The following TMEM156 variants were observed in gnomAD, a reference collection of about 807,000 sequenced individuals.
The protein encoded by TMEM156 is transmembrane protein 156.
In TMEM156, 28 loss-of-function variants were observed where a neutral mutation model predicts 30.5. That is an observed-to-expected ratio of 0.92 (90% CI 0.68 to 1.26). TMEM156 has a LOEUF of 1.26. TMEM156 is among the 50% of genes most tolerant of loss of function. The pLI is 0.00. For missense variants in TMEM156, 351 were observed against 340.6 expected (o/e 1.03, Z -0.24); for synonymous variants, 137 against 119.9 (o/e 1.14, Z -0.93).
At chr4:39,016,075 C>T (rs1285372895) in intron 1 of TMEM156, among the ~76,000 whole-genome samples, 1 of 152,084 alleles carries the variant, frequency 6.6e-6, no homozygotes, top group African/African-American at 2.4e-5. Context: ...TACAAATAGT[C>T]CTTTAAAATA....
chr4:38,973,714 A>T (rs1722713847), intron 5 of TMEM156, among the ~76,000 whole-genome samples: 1 of 152,196 alleles, frequency 6.6e-6, no homozygotes, highest in Non-Finnish European at 1.5e-5. Context: ...GTTGACTAGT[A>T]CTTCCAATAC....
intron 3 of TMEM156, among the ~76,000 whole-genome samples, chr4:38,990,127 C>T (rs1247944801): frequency 6.6e-6 from 1 of 152,198 alleles, no homozygotes; most frequent in Non-Finnish European, 1.5e-5. Flanking sequence ...ACCCTGTGTA[C>T]ACTCTTCTTT....
chr4:39,021,947 G>A (rs1031489076), intron 1 of TMEM156, among the ~76,000 whole-genome samples: 4 of 152,066 alleles, frequency 2.6e-5, no homozygotes, highest in South Asian at 4.1e-4. Flanking sequence ...TTGAAGATCC[G>A]ATTCTGCTGT....
intron 1 of TMEM156, among the ~76,000 whole-genome samples, chr4:39,025,081 G>A (rs112888607): frequency 1.1e-4 from 16 of 152,080 alleles, no homozygotes; most frequent in Non-Finnish European, 2.1e-4. Flanking sequence ...GGGTGCGGTG[G>A]CTCATGCCTG....
intron 5 of TMEM156, among the ~76,000 whole-genome samples, chr4:38,984,349 CTGTGTG>C (rs34823853): frequency 0.11 from 14,660 of 130,898 alleles, 858 homozygotes; most frequent in South Asian, 0.2. Context: ...CTCTCTCTCT[CTGTGTG>C]TGTGTGTGTG....
chr4:39,028,141 G>A (rs1196050703), intron 1 of TMEM156, among the ~76,000 whole-genome samples: 1 of 152,144 alleles, frequency 6.6e-6, no homozygotes, highest in Non-Finnish European at 1.5e-5. Flanking sequence ...ACCCGCCTCG[G>A]CCTCCCAAAG....
rs546923003 is a variant in TMEM156 at position 38,967,490 on chromosome 4, T to G, written c.*190A>C. On this transcript the variant is annotated 3_prime_UTR_variant, in exon 7 of 7. Transcript: ENST00000381938. ...TTGATCTCATGGAGCGAATGAATGCTCTTAAGCTAGTTTTCATCAACCAGT... is the reference window on the plus strand; with the variant it reads ...TTGATCTCATGGAGCGAATGAATGCGCTTAAGCTAGTTTTCATCAACCAGT... 6.6e-6 allele frequency: 1 copy of G among 152,190 alleles called. No homozygotes were observed. Among genetic ancestry groups the G allele is most frequent in the Non-Finnish European group, 1.5e-5 (1 of 68,026 alleles). 9.4% of individuals were successfully genotyped at this position (152,190 alleles called of 1,614,324 possible).
At chr4:38,984,307 ATCTC>A (rs1219966009) in intron 5 of TMEM156, among the ~76,000 whole-genome samples, 3 of 142,204 alleles carry the variant, frequency 2.1e-5, no homozygotes, top group South Asian at 2.3e-4. Flanking sequence ...GAGCCCATTT[ATCTC>A]TCTCTCTCTC....
chr4:38,988,734 C>T lies in TMEM156; in HGVS notation c.739+117G>A, dbSNP rs1397739900. The T allele has an allele frequency of 3.0e-6, 4 of 1,348,138 alleles. No individual in the cohort carries two copies. In the East Asian group the frequency reaches 9.3e-5, roughly 32 times the overall value. 83.5% of individuals were successfully genotyped at this position (1,348,138 alleles called of 1,614,324 possible). A position where few individuals can be genotyped will look rare whatever the true frequency, so the allele number is the denominator to read the frequency against. On this transcript the variant is annotated intron_variant, in intron 4 of 6. Coordinates refer to ENST00000381938, the MANE Select transcript of TMEM156 (RefSeq NM_024943.3). ...ATCTACGTTTTTATTCCTTGAGTTA[C>T]CAAGAATCACCACTTATTCACAGTA...
intron 1 of TMEM156, among the ~76,000 whole-genome samples, chr4:39,023,849 G>T (rs1307038617): frequency 6.6e-6 from 1 of 151,838 alleles, no homozygotes; most frequent in East Asian, 1.9e-4. Context: ...GTGAGACTCC[G>T]TTTAAAAAAT....
At chr4:38,976,658 C>T (rs892754133) in intron 5 of TMEM156, among the ~76,000 whole-genome samples, 2 of 152,180 alleles carry the variant, frequency 1.3e-5, no homozygotes, top group African/African-American at 4.8e-5. Flanking sequence ...CAACAGAAAG[C>T]TAATAAGTAC....
At position 38,979,471 on chromosome 4, in the gene TMEM156, T is replaced by C. The variant is rs116487582; in HGVS notation, c.823+6865A>G. On this transcript the variant is annotated intron_variant, in intron 5 of 6. Transcript: ENST00000381938. ...AACTGTGAATTTTGATATATTATAC[T>C]TGGGAAAATAGAAAGCACTATGAAG... is the stretch of plus-strand genomic sequence containing the variant. 3.9e-3 allele frequency among the ~76,000 whole-genome samples: 587 copies of C among 152,338 alleles called. 4 individuals carry two copies. The highest frequency in any genetic ancestry group is 0.014 in the African/African-American group (562 of 41,564).
intron 1 of TMEM156, among the ~76,000 whole-genome samples, chr4:39,014,230 T>C (rs1714330899): frequency 1.3e-5 from 2 of 152,152 alleles, no homozygotes; most frequent in Non-Finnish European, 2.9e-5. Flanking sequence ...TATTACGACA[T>C]CAAAAACAGC....
intron 5 of TMEM156, 104 bp downstream of exon 5, chr4:38,986,232 A>AT (rs1711970809): frequency 3.8e-6 from 3 of 799,618 alleles, no homozygotes; most frequent in Non-Finnish European, 6.4e-6. Context: ...TACAAGGCTA[A>AT]TTTACATAAG....
chr4:39,020,899 C>A (rs529775057), intron 1 of TMEM156, among the ~76,000 whole-genome samples: 1 of 152,274 alleles, frequency 6.6e-6, no homozygotes, highest in African/African-American at 2.4e-5. Flanking sequence ...AATGGCTGTA[C>A]TATTTTACAT....
At chr4:38,994,222 T>A (rs1270595095) in intron 2 of TMEM156, among the ~76,000 whole-genome samples, 3 of 152,062 alleles carry the variant, frequency 2.0e-5, no homozygotes, top group Non-Finnish European at 2.9e-5. Context: ...CCTCCCGGGC[T>A]CAAGCAATCC....
At chr4:39,001,508 A>G (rs1276802104) in intron 1 of TMEM156, among the ~76,000 whole-genome samples, 1 of 151,754 alleles carries the variant, frequency 6.6e-6, no homozygotes, top group Admixed American at 6.6e-5. Flanking sequence ...AGATTTCTAA[A>G]TAATATGGAG....
Position 39,029,911 on chromosome 4 carries a change from G to C in TMEM156, c.88+2315C>G, listed in dbSNP as rs1322061856. On this transcript the variant is annotated intron_variant, in intron 1 of 6. Transcript: ENST00000381938. ...TTATTATTATTACACAATTGCATGTGTATAACATTTTGCCTAGTAATCAAC... is the reference window on the plus strand; with the variant it reads ...TTATTATTATTACACAATTGCATGTCTATAACATTTTGCCTAGTAATCAAC... 2.0e-5 allele frequency among the ~76,000 whole-genome samples: 3 copies of C among 152,082 alleles called. No homozygotes were observed. The East Asian group carries it at 5.8e-4, about 29-fold the overall frequency.
At chr4:39,011,705 G>A (rs2381348) in intron 1 of TMEM156, among the ~76,000 whole-genome samples, 18,626 of 152,068 alleles carry the variant, frequency 0.12, 2,273 homozygotes, top group African/African-American at 0.32. Context: ...CCCGGGAGGC[G>A]GAGGTTGCAG....
Sources: allele counts gnomAD v4.1 joint callset (sites outside exome capture counted in the v4.1 genomes callset), GRCh38; gene constraint gnomAD v4.1.1; transcripts MANE v1.5; gene names NCBI Gene and HGNC (gene_info 2026-07-23, HGNC 2026-07-21).